Variants in VPS8 observed in about 807,000 individuals in gnomAD.
VPS8 encodes the protein VPS8 subunit of CORVET complex.
A neutral mutation model predicts 216.4 loss-of-function variants in VPS8; 129 were observed. The observed-to-expected ratio is 0.60, with a 90% CI of 0.52 to 0.69. The LOEUF (loss-of-function observed/expected upper bound fraction) is 0.69, where lower values mean the gene tolerates loss of function less well. VPS8 is among the 30% of genes least tolerant of loss of function. VPS8 has a pLI of 0.00. For missense variants in VPS8, 1,531 were observed against 1,683.5 expected, an observed-to-expected ratio of 0.91 and a Z score of 1.59; for synonymous variants, 571 against 565.4, an observed-to-expected ratio of 1.01 and a Z score of -0.14.
chr3:184,829,147 A>G (rs768328500), intron 3 of VPS8, among the ~76,000 whole-genome samples: 2 of 152,134 alleles, frequency 1.3e-5, no homozygotes, highest in Non-Finnish European at 2.9e-5. Flanking sequence ...GTGCTGCTGT[A>G]AAGTTTCTTA....
Position 185,035,202 on chromosome 3 carries a change from A to G in VPS8, c.4056+10813A>G, listed in dbSNP as rs141337485. On this transcript the variant is annotated intron_variant, in intron 46 of 47. Coordinates refer to ENST00000625842, the MANE Select transcript of VPS8 (RefSeq NM_001009921.3). Reference sequence around the variant, plus strand: ...TCTACCAAAAGAAGAACTGATATCAATCCTACTGAAAGTATTCCAAAATAT... The same window carrying G: ...TCTACCAAAAGAAGAACTGATATCAGTCCTACTGAAAGTATTCCAAAATAT... Among the ~76,000 whole-genome samples, 16 of 152,276 alleles carry G rather than the reference A, an allele frequency of 1.1e-4. No homozygotes were observed. The South Asian group carries it at 2.9e-3, about 28-fold the overall frequency.
intron 42 of VPS8, among the ~76,000 whole-genome samples, chr3:184,989,250 T>C (rs1051672409): frequency 1.3e-5 from 2 of 152,246 alleles, no homozygotes; most frequent in African/African-American, 4.8e-5. Context: ...AAGGTTCTTA[T>C]AGATACTGTT....
At chr3:185,051,273 G>C (rs958650563) in intron 47 of VPS8, among the ~76,000 whole-genome samples, 1 of 152,150 alleles carries the variant, frequency 6.6e-6, no homozygotes, top group African/African-American at 2.4e-5. Context: ...AGTGTCATTG[G>C]TGGGAATAAG....
At chr3:185,028,800 C>T (rs185169011) in intron 46 of VPS8, among the ~76,000 whole-genome samples, 4 of 152,248 alleles carry the variant, frequency 2.6e-5, no homozygotes, top group South Asian at 2.1e-4. Context: ...TCCCATTAGA[C>T]GATATGCCTC....
In VPS8 at chr3:184,853,879, T is replaced by G. The variant is rs1305842218; in HGVS notation, c.844T>G (p.Cys282Gly). The change falls in exon 12 of 48, where the codon TGT becomes GGT. Residue 282 changes from cysteine (C) to glycine (G), a missense_variant. By Grantham distance (159) the Cys-to-Gly change is radical (BLOSUM62 -3). This residue lies in a region of VPS8 where 1,318 missense variants were observed against 1,468.4 expected (regional missense o/e 0.90). Coordinates refer to ENST00000625842, the MANE Select transcript of VPS8 (RefSeq NM_001009921.3). Reference sequence around the variant, plus strand: ...CAGGAGAGTGATGGGAGTGAGAACCTGTGAATCTAGATGTCTGTTCAGTGG... The same window carrying G: ...CAGGAGAGTGATGGGAGTGAGAACCGGTGAATCTAGATGTCTGTTCAGTGG... ...TFKRVMGVRTCESRCLFSGSK... is the reference protein window; with the variant it reads ...TFKRVMGVRTGESRCLFSGSK... The G allele has an allele frequency of 1.9e-6, 3 of 1,587,438 alleles. No homozygotes were observed. The Admixed American group carries it at 5.4e-5, about 29-fold the overall frequency.
chr3:184,855,672 T>G lies in VPS8; in HGVS notation c.1036-39T>G, dbSNP rs375772715. On this transcript the variant is annotated intron_variant, in intron 13 of 47. Coordinates refer to ENST00000625842, the MANE Select transcript of VPS8 (RefSeq NM_001009921.3). ...AGTTTTCTCTTTGTCCCCTTGTTTA[T>G]TAACTGTGATGATTTTTTTTTTCCA... 7.4e-6 allele frequency: 11 copies of G among 1,483,628 alleles called. No homozygotes were observed. The African/African-American group carries it at 1.4e-4, about 19-fold the overall frequency. The allele number at this position is 1,483,628 out of a possible 1,614,324, so 91.9% of individuals were successfully genotyped here. A position where few individuals can be genotyped will look rare whatever the true frequency, so the allele number is the denominator to read the frequency against.
intron 42 of VPS8, among the ~76,000 whole-genome samples, chr3:184,984,058 C>A (rs1750646789): frequency 6.7e-6 from 1 of 150,322 alleles, no homozygotes; most frequent in African/African-American, 2.4e-5. Flanking sequence ...GTGGCAGGCG[C>A]CTGTAGTCCC....
chr3:185,048,513 T>C lies in VPS8; in HGVS notation c.4091T>C (p.Ile1364Thr), dbSNP rs3821750. The change falls in exon 47 of 48, where the codon ATC becomes ACC. Residue 1364 changes from isoleucine to threonine, a missense_variant. This residue lies in a region of VPS8 where 1,318 missense variants were observed against 1,468.4 expected (regional missense o/e 0.90). Transcript: ENST00000625842. ...GAACCTGTTCTGGATCCACAGCAAA[T>C]CCAAGCATTTGATCAGCTTTGCCGT... ...TSEPVLDPQQ[I>T]QAFDQLCRLY... is the part of the protein sequence containing the mutation. 0.16 allele frequency: 254,044 copies of C among 1,613,672 alleles called. 22,781 individuals are homozygous for C. The highest frequency in any genetic ancestry group is 0.37 in the African/African-American group (28,098 of 74,960).
rs540864587 is a variant in VPS8, at chr3:185,048,627, G to A, written c.4137+68G>A. 138 of 1,560,282 alleles carry A rather than the reference G, an allele frequency of 8.8e-5. 2 individuals carry two copies. In the South Asian group the frequency reaches 1.1e-3, roughly 12 times the overall value. Reference sequence around the variant, plus strand: ...TAGTTTACTGCTTTAGACAGGCAGTGTCTTGGAACCTCCCTCTAGCCTCCT... The same window carrying A: ...TAGTTTACTGCTTTAGACAGGCAGTATCTTGGAACCTCCCTCTAGCCTCCT... On this transcript the variant is annotated intron_variant, in intron 47 of 47. Transcript: ENST00000625842.
At chr3:184,847,750 C>G (rs1461751462) in intron 8 of VPS8, among the ~76,000 whole-genome samples, 2 of 151,814 alleles carry the variant, frequency 1.3e-5, no homozygotes, top group Admixed American at 1.3e-4. Context: ...TAGGAGAAAC[C>G]CTAGAGAAAT....
At position 184,883,402 on chromosome 3, in the gene VPS8, A is replaced by T. The variant is rs78345962; in HGVS notation, c.1735-2708A>T. Among the ~76,000 whole-genome samples, 64 of 152,308 alleles carry T rather than the reference A, an allele frequency of 4.2e-4. 1 individual carries two copies. The highest frequency in any genetic ancestry group is 1.7e-3 in the South Asian group (8 of 4,816). On this transcript the variant is annotated intron_variant, in intron 21 of 47. Coordinates refer to ENST00000625842, the MANE Select transcript of VPS8 (RefSeq NM_001009921.3). ...AAGGTGTTCCTCAGATCTGCTGTGG[A>T]CCAGATTGTACTTAACTTCTTCCTT...
chr3:184,936,116 T>A (rs960410180), intron 34 of VPS8, 130 bp from the exon 35 acceptor site: 2 of 648,610 alleles, frequency 3.1e-6, no homozygotes, highest in Non-Finnish European at 2.6e-6. Context: ...TGAGGCCCTA[T>A]ATCAAGGTCT....
In VPS8 at chr3:184,862,998, A is replaced by T. The variant is rs996467173; in HGVS notation, c.1326A>T (p.Glu442Asp). ...AATTGGAGACAGTGGAGATCTCAGA[A>T]GTTCAGCTGGTCTACAATAGCAGCC... ...QEELETVEISEVQLVYNSSHF... is the reference protein window; with the variant it reads ...QEELETVEISDVQLVYNSSHF... Residue 442 changes from glutamate to aspartate, a missense_variant, in exon 16 of 48, where the codon GAA becomes GAT. Coordinates refer to ENST00000625842, the MANE Select transcript of VPS8 (RefSeq NM_001009921.3). 6.2e-7 allele frequency: 1 copy of T among 1,612,594 alleles called. No homozygotes were observed. Among genetic ancestry groups the T allele is most frequent in the South Asian group, 1.1e-5 (1 of 90,946 alleles).
chr3:184,913,053 C>T lies in VPS8; in HGVS notation c.2147-466C>T, dbSNP rs1418415060. Reference sequence around the variant, plus strand: ...TTTATGTAACTTAGAATAGAAAGGGCCCTAAAGATCATTTAGTTTAGTTCT... The same window carrying T: ...TTTATGTAACTTAGAATAGAAAGGGTCCTAAAGATCATTTAGTTTAGTTCT... On this transcript the variant is annotated intron_variant, in intron 25 of 47. Transcript: ENST00000625842. Among the ~76,000 whole-genome samples, 2 of 152,256 alleles carry T rather than the reference C, an allele frequency of 1.3e-5. 1 individual carries two copies. Among genetic ancestry groups the T allele is most frequent in the South Asian group, 4.1e-4 (2 of 4,828 alleles).
intron 1 of VPS8, chr3:184,824,304 CTT>C (rs1317670707): frequency 1.3e-5 from 3 of 223,028 alleles, no homozygotes; most frequent in Non-Finnish European, 1.8e-5. Context: ...AGTTTCATGA[CTT>C]TGGGTGGCGG....
At chr3:184,972,743 G>A (rs1301597661) in intron 40 of VPS8, among the ~76,000 whole-genome samples, 1 of 152,240 alleles carries the variant, frequency 6.6e-6, no homozygotes, top group East Asian at 1.9e-4. Flanking sequence ...GGGAGTTACA[G>A]CAGTGAAGCA....
Position 184,901,285 on chromosome 3 carries a change from C to T in VPS8, c.2146+313C>T, listed in dbSNP as rs566752164. The T allele has an allele frequency of 2.0e-4, 51 of 257,532 alleles. 1 individual carries two copies. The highest frequency in any genetic ancestry group is 1.1e-3 in the African/African-American group (48 of 44,562). 16.0% of individuals were successfully genotyped at this position (257,532 alleles called of 1,614,324 possible). A position where few individuals can be genotyped will look rare whatever the true frequency, so the allele number is the denominator to read the frequency against. On this transcript the variant is annotated intron_variant, in intron 25 of 47. Coordinates refer to ENST00000625842, the MANE Select transcript of VPS8 (RefSeq NM_001009921.3). ...TTGGTGTTTTATTTCTTTCACTTTACGTGGATGAAGCATAATATTTTTGAG... is the reference window on the plus strand; with the variant it reads ...TTGGTGTTTTATTTCTTTCACTTTATGTGGATGAAGCATAATATTTTTGAG...
At chr3:184,823,235 AGGCATGAT>A in intron 1 of VPS8, among the ~76,000 whole-genome samples, 1 of 152,354 alleles carries the variant, frequency 6.6e-6, no homozygotes, top group Admixed American at 6.5e-5. Flanking sequence ...ATTTCAAGCC[AGGCATGAT>A]GGCACATGCC....
intron 45 of VPS8, among the ~76,000 whole-genome samples, chr3:185,021,351 C>T (rs959984137): frequency 6.6e-6 from 1 of 152,174 alleles, no homozygotes; most frequent in Non-Finnish European, 1.5e-5. Flanking sequence ...TGCTGGACCA[C>T]TTCCATTGCC....
Sources: gnomAD v4.1 joint callset for allele counts (sites outside exome capture counted in the v4.1 genomes callset) on GRCh38, gnomAD v4.1.1 for gene constraint, gnomAD v4.1.1 regional missense constraint, MANE v1.5 for transcripts, NCBI Gene and HGNC (gene_info 2026-07-23, HGNC 2026-07-21) for gene names.